Variants in PACS2 observed in about 807,000 individuals in gnomAD.
PACS2 encodes PACS1-like protein.
A neutral mutation model predicts 113.0 loss-of-function variants in PACS2; 36 were observed. That is an observed-to-expected ratio of 0.32 (90% CI 0.24 to 0.42). PACS2 has a LOEUF of 0.42. Ranked by LOEUF, PACS2 falls within the 10% of genes least tolerant of loss-of-function variation. The probability of loss-of-function intolerance (pLI) is 1.00; values close to 1 mark genes in which losing one functional copy is unlikely to be tolerated. For missense variants in PACS2, 1,015 were observed against 1,239.5 expected (o/e 0.82, Z 2.72); for synonymous variants, 589 against 536.1 (o/e 1.10, Z -1.36).
chr14:105,393,375 A>C, intron 24 of PACS2, 40 bp downstream of exon 24: 4 of 1,398,944 alleles, frequency 2.9e-6, no homozygotes, highest in Non-Finnish European at 4.0e-6. Flanking sequence ...AGTGGGACGT[A>C]GGTGAGAGCA....
rs1157449625 is a variant in PACS2 at position 105,354,176 on chromosome 14, A to G, written c.298-876A>G. Reference sequence around the variant, plus strand: ...TCTTCTATTTAAAAAGATAGGGGAAACTCAGAGTTCACAAGCAATCCCAGC... The same window carrying G: ...TCTTCTATTTAAAAAGATAGGGGAAGCTCAGAGTTCACAAGCAATCCCAGC... On this transcript the variant is annotated intron_variant, in intron 3 of 24. Transcript: ENST00000447393. This position sits in a 1 kb window ranked among gnomAD's most constrained non-coding sequence, Gnocchi z 4.2. Among the ~76,000 whole-genome samples, 2 of 151,754 alleles carry G rather than the reference A, an allele frequency of 1.3e-5. No homozygotes were observed. The highest frequency in any genetic ancestry group is 3.9e-4 in the East Asian group (2 of 5,154).
At chr14:105,312,682 G>A (rs1393734879), upstream of PACS2, among the ~76,000 whole-genome samples, 1 of 152,242 alleles carries the variant, frequency 6.6e-6, no homozygotes, top group Non-Finnish European at 1.5e-5. Flanking sequence ...TCCGACAGAG[G>A]AGGGCAGTGC....
At chr14:105,392,413 G>A (rs117296193) in intron 22 of PACS2, 26 of 588,040 alleles carry the variant, frequency 4.4e-5, no homozygotes, top group Middle Eastern at 4.5e-4. Flanking sequence ...CTGTCGCCAG[G>A]GTCCCTGTAA....
At chr14:105,394,290 G>A (rs1374706195) in intron 24 of PACS2, 3 of 985,200 alleles carry the variant, frequency 3.0e-6, no homozygotes, top group Non-Finnish European at 3.6e-6. Flanking sequence ...CCTTCCACCT[G>A]CAGGCAGCCC....
At position 105,314,962 on chromosome 14, in the gene PACS2, C is replaced by T. The variant is rs1051508322; in HGVS notation, c.44C>T (p.Ala15Val). Residue 15 changes from alanine to valine, a missense_variant, in exon 1 of 25, where the codon GCG becomes GTG. By Grantham distance (64) the Ala-to-Val change is moderately conservative. Around this residue, in one of 3 missense-constraint regions of PACS2, gnomAD observed 140 missense variants for 135.1 expected, o/e 1.04. Transcript: ENST00000447393. The part of the protein sequence containing the change: ...GRLGLPGAPG[A>V]LNTPVPMNLF... ...CTCGGCCTCCCCGGCGCGCCCGGCG[C>T]GCTCAACACGCCCGTGCCCATGAAC... 3.4e-5 allele frequency: 41 copies of T among 1,200,490 alleles called. No homozygotes were observed. In the African/African-American group the frequency reaches 6.5e-4, roughly 19 times the overall value. The allele number at this position is 1,200,490 out of a possible 1,614,324, so 74.4% of individuals were successfully genotyped here. A position where few individuals can be genotyped will look rare whatever the true frequency, so the allele number is the denominator to read the frequency against.
At chr14:105,318,114 G>A (rs587611341) in intron 1 of PACS2, among the ~76,000 whole-genome samples, 2 of 152,204 alleles carry the variant, frequency 1.3e-5, no homozygotes, top group East Asian at 1.9e-4. Flanking sequence ...TTGTTTTTTC[G>A]GTTGATGTTT....
intron 23 of PACS2, 117 bp from the exon 24 acceptor site, chr14:105,393,105 G>A (rs1163843792): frequency 1.2e-6 from 1 of 806,180 alleles, no homozygotes; most frequent in Non-Finnish European, 2.1e-6. Context: ...AGGTTTCCTA[G>A]GTGAGCAGTG....
At chr14:105,391,971 G>T (rs2081374367) in intron 22 of PACS2, 1 of 578,270 alleles carries the variant, frequency 1.7e-6, no homozygotes, top group Non-Finnish European at 3.0e-6. Context: ...ACCTCTGGGG[G>T]ACAGAAACTC....
rs2060374506 is a variant in PACS2, at chr14:105,354,916, C to T, written c.298-136C>T. 2.6e-6 allele frequency: 2 copies of T among 764,726 alleles called. No homozygotes were observed. Among genetic ancestry groups the T allele is most frequent in the South Asian group, 3.6e-5 (2 of 55,714 alleles). The allele number at this position is 764,726 out of a possible 1,614,324, so 47.4% of individuals were successfully genotyped here. A position where few individuals can be genotyped will look rare whatever the true frequency, so the allele number is the denominator to read the frequency against. On this transcript the variant is annotated intron_variant, in intron 3 of 24. Coordinates refer to ENST00000447393, the MANE Select transcript of PACS2 (RefSeq NM_001100913.3). This position sits in a 1 kb window ranked among gnomAD's most constrained non-coding sequence, Gnocchi z 4.2. ...CACTGGGATGAACTTGGGGGCCCGT[C>T]TGTGGGTGCCCTTCCGATCTCATGG... is the stretch of plus-strand genomic sequence containing the variant.
chr14:105,327,233 G>A (rs1418109113), intron 1 of PACS2, among the ~76,000 whole-genome samples: 1 of 152,228 alleles, frequency 6.6e-6, no homozygotes, highest in Non-Finnish European at 1.5e-5. Context: ...TCAGAAGCGA[G>A]GGGGAAGGAG....
Position 105,384,914 on chromosome 14 carries a change from C to A in PACS2, c.1927C>A (p.Gln643Lys). The A allele has an allele frequency of 6.3e-7, 1 of 1,599,800 alleles. No individual in the cohort carries two copies. Residue 643 changes from glutamine to lysine, a missense_variant, in exon 18 of 25, where the codon CAG becomes AAG. Physicochemically the swap from Gln to Lys is moderately conservative, Grantham distance 53. Transcript: ENST00000447393. Reference protein sequence around the residue: ...DTPDIVSRITQYIAGANCAHQ... With the variant: ...DTPDIVSRITKYIAGANCAHQ... ...GCCAGACATTGTGTCACGCATCACGCAGTACATCGCAGGGGCCAACTGTGC... is the reference window on the plus strand; with the variant it reads ...GCCAGACATTGTGTCACGCATCACGAAGTACATCGCAGGGGCCAACTGTGC...
Position 105,362,372 on chromosome 14 carries a change from G to C in PACS2, c.424-4841G>C, listed in dbSNP as rs781883716. ...GTGGAGCTTGCAGTGAGCCGAGATC[G>C]CGCCACTGCACTCCAGCCTGGGCGA... On this transcript the variant is annotated intron_variant, in intron 4 of 24. Transcript: ENST00000447393. 4.9e-3 allele frequency among the ~76,000 whole-genome samples: 729 copies of C among 147,892 alleles called. 12 individuals carry two copies. The highest frequency in any genetic ancestry group is 0.017 in the African/African-American group (651 of 39,396).
intron 17 of PACS2, 138 bp from the exon 18 acceptor site, chr14:105,384,741 C>T: frequency 1.5e-6 from 1 of 666,014 alleles, no homozygotes; most frequent in Non-Finnish European, 2.8e-6. Flanking sequence ...CACCAGGGCC[C>T]CTCAGCTGCA....
intron 5 of PACS2, among the ~76,000 whole-genome samples, chr14:105,367,806 C>T (rs2060992434): frequency 6.6e-6 from 1 of 152,236 alleles, no homozygotes; most frequent in Non-Finnish European, 1.5e-5. Context: ...GCAGGAGGGG[C>T]CGTGGAGGCC....
chr14:105,336,108 G>A lies in PACS2; in HGVS notation c.120-12385G>A, dbSNP rs368192756. On this transcript the variant is annotated intron_variant, in intron 1 of 24. Transcript: ENST00000447393. ...CTCCCACGCGGGCAGGCTCGCGACC[G>A]CACCAAGGGGGCAGCTCCTGGAGAC... Among the ~76,000 whole-genome samples, 31 of 152,328 alleles carry A rather than the reference G, an allele frequency of 2.0e-4. No individual in the cohort carries two copies. In the East Asian group the frequency reaches 4.8e-3, roughly 24 times the overall value.
rs781870630 is a variant in PACS2, at chr14:105,382,525, G to A, written c.1462G>A (p.Asp488Asn). ...YDQLNHILIS[D>N]DQLPENIILV... is the part of the protein sequence containing the mutation. ...CCAGCTCAACCACATCCTCATCTCCGATGACCAGCTTCCCGAAAACATCAT... is the reference window on the plus strand; with the variant it reads ...CCAGCTCAACCACATCCTCATCTCCAATGACCAGCTTCCCGAAAACATCAT... The change falls in exon 14 of 25, where the codon GAT becomes AAT. Residue 488 changes from aspartate to asparagine, a missense_variant. Asp to Asn is a conservative substitution (Grantham distance 23). Coordinates refer to ENST00000447393, the MANE Select transcript of PACS2 (RefSeq NM_001100913.3). The A allele has an allele frequency of 1.4e-5, 23 of 1,613,364 alleles. No individual in the cohort carries two copies. The highest frequency in any genetic ancestry group is 2.2e-5 in the East Asian group (1 of 44,892).
At chr14:105,380,470 C>T (rs1360636406) in intron 11 of PACS2, among the ~76,000 whole-genome samples, 2 of 149,850 alleles carry the variant, frequency 1.3e-5, no homozygotes, top group Non-Finnish European at 3.0e-5. Flanking sequence ...TGGACTCCCC[C>T]CACCCTCAGG....
rs587665977 is a variant in PACS2, at chr14:105,366,467, T to C, written c.424-746T>C. 4.7e-4 allele frequency among the ~76,000 whole-genome samples: 71 copies of C among 152,190 alleles called. No homozygotes were observed. Among genetic ancestry groups the C allele is most frequent in the African/African-American group, 1.6e-3 (67 of 41,512 alleles). ...CCCCAAGGCTGTGAGTGTCTGAGAG[T>C]TGTCGTCATGGCGTGTGGTTCTGAG... On this transcript the variant is annotated intron_variant, in intron 4 of 24. Transcript: ENST00000447393. The surrounding 1 kb of genome is among the most constrained non-coding windows in gnomAD (Gnocchi z 4.3).
intron 4 of PACS2, among the ~76,000 whole-genome samples, chr14:105,362,285 G>A (rs1555406773): frequency 2.0e-5 from 3 of 151,630 alleles, no homozygotes; most frequent in South Asian, 2.1e-4. Flanking sequence ...GGGCGTGGTG[G>A]CGGGCGCCTG....
Sources: allele counts gnomAD v4.1 joint callset (sites outside exome capture counted in the v4.1 genomes callset), GRCh38; gene constraint gnomAD v4.1.1; regional missense constraint gnomAD v4.1.1; non-coding constraint Gnocchi (gnomAD v3.1); transcripts MANE v1.5; gene names NCBI Gene and HGNC (gene_info 2026-07-23, HGNC 2026-07-21).